The following NOVA2 variants were observed in gnomAD, a reference collection of about 807,000 sequenced individuals.
NOVA2 encodes NOVA alternative splicing regulator 2.
NOVA2 carries 9 observed loss-of-function variants against 22.5 expected under a neutral mutation model. That is an observed-to-expected ratio of 0.40 (90% CI 0.24 to 0.70). The LOEUF is 0.70. Ranked by LOEUF, NOVA2 falls within the 30% of genes least tolerant of loss-of-function variation. NOVA2 has a pLI of 0.38. For missense variants in NOVA2, 383 were observed against 682.8 expected (o/e 0.56, Z 4.89); for synonymous variants, 318 against 335.2 (o/e 0.95, Z 0.56).
Position 45,940,783 on chromosome 19 carries a change from C to T in NOVA2, c.559G>A (p.Glu187Lys), listed in dbSNP as rs778148391. The T allele has an allele frequency of 1.2e-6, 2 of 1,607,716 alleles. No homozygotes were observed. The highest frequency in any genetic ancestry group is 1.1e-5 in the South Asian group (1 of 91,070). The stretch of plus-strand genomic sequence containing the variant: ...GCGCTCACGGCCTTGTGCACCTGCT[C>T]GGGCTCGCCGCTGACCGTCACCACG... ...ERVVTVSGEPEQVHKAVSAIV... is the reference protein window; with the variant it reads ...ERVVTVSGEPKQVHKAVSAIV... The change falls in exon 4 of 4, where the codon GAG becomes AAG. Residue 187 changes from glutamate (E) to lysine (K), a missense_variant. Glu to Lys is a moderately conservative substitution (Grantham distance 56). Around this residue, in one of 2 missense-constraint regions of NOVA2, gnomAD observed 349 missense variants for 578.1 expected, o/e 0.60. Coordinates refer to ENST00000263257, the MANE Select transcript of NOVA2 (RefSeq NM_002516.4).
chr19:45,943,176 C>A (rs1473859032), intron 3 of NOVA2, among the ~76,000 whole-genome samples: 2 of 151,544 alleles, frequency 1.3e-5, no homozygotes, highest in East Asian at 4.0e-4. Flanking sequence ...ACCTCAGCCT[C>A]CCTAGTAGCT....
At chr19:45,941,451 A>G (rs1967757275) in intron 3 of NOVA2, among the ~76,000 whole-genome samples, 1 of 151,928 alleles carries the variant, frequency 6.6e-6, no homozygotes, top group Non-Finnish European at 1.5e-5. Flanking sequence ...TACAGATTTG[A>G]GCCACCAAAC....
At position 45,973,732 on chromosome 19, in the gene NOVA2, G is replaced by C. The variant is rs1338463455; in HGVS notation, c.-381C>G. 1.3e-5 allele frequency among the ~76,000 whole-genome samples: 2 copies of C among 150,890 alleles called. No individual in the cohort carries two copies. The highest frequency in any genetic ancestry group is 3.0e-5 in the Non-Finnish European group (2 of 67,596). ...TGAGCAGGATGGCAGGGCCGAGGGG[G>C]GTCTCCGATAGGGCCGGGAAAGAAC... On this transcript the variant is annotated 5_prime_UTR_variant, in exon 1 of 4. Coordinates refer to ENST00000263257, the MANE Select transcript of NOVA2 (RefSeq NM_002516.4).
rs767527411 is a variant in NOVA2, at chr19:45,940,589, G to C, written c.753C>G (p.Gly251=). 7.0e-7 allele frequency: 1 copy of C among 1,425,014 alleles called. No homozygotes were observed. The highest frequency in any genetic ancestry group is 1.9e-4 in the Middle Eastern group (1 of 5,234). 88.3% of individuals were successfully genotyped at this position (1,425,014 alleles called of 1,614,324 possible). The change falls in exon 4 of 4, where the codon GGC becomes GGG. Residue 251 remains glycine (G), a synonymous_variant. Coordinates refer to ENST00000263257, the MANE Select transcript of NOVA2 (RefSeq NM_002516.4). ...AAAASAAAAS[G]LLGPAGLAGV... is the part of the protein sequence containing the mutation. The stretch of plus-strand genomic sequence containing the variant: ...CAGCCAGCCCGGCGGGGCCCAGCAG[G>C]CCGGAGGCGGCGGCGGCCGACGCTG...
At position 45,936,874 on chromosome 19, in the gene NOVA2, G is replaced by A. The variant is rs1399046970; in HGVS notation, c.*2989C>T. 1 of 151,046 alleles carries A rather than the reference G, an allele frequency of 6.6e-6. No individual in the cohort carries two copies. Among genetic ancestry groups the A allele is most frequent in the Non-Finnish European group, 1.5e-5 (1 of 67,676 alleles). 9.4% of individuals were successfully genotyped at this position (151,046 alleles called of 1,614,324 possible). A position where few individuals can be genotyped will look rare whatever the true frequency, so the allele number is the denominator to read the frequency against. On this transcript the variant is annotated 3_prime_UTR_variant, in exon 4 of 4. Coordinates refer to ENST00000263257, the MANE Select transcript of NOVA2 (RefSeq NM_002516.4). Reference sequence around the variant, plus strand: ...CACTCAGAGACTCTGAGATCGGATTGGCTAATAGGGAGACGGGGAAAAAAA... The same window carrying A: ...CACTCAGAGACTCTGAGATCGGATTAGCTAATAGGGAGACGGGGAAAAAAA...
chr19:45,956,203 C>T (rs1347961601), intron 2 of NOVA2, among the ~76,000 whole-genome samples: 1 of 151,800 alleles, frequency 6.6e-6, no homozygotes, highest in Non-Finnish European at 1.5e-5. Flanking sequence ...CAGTCTGCCT[C>T]CGTCTGGTGT....
chr19:45,958,353 CTG>C (rs572028267), intron 2 of NOVA2, among the ~76,000 whole-genome samples: 317 of 145,662 alleles, frequency 2.2e-3, no homozygotes, highest in East Asian at 0.011. Flanking sequence ...CACCCAAGTG[CTG>C]TGTGTGTGTG....
chr19:45,960,887 G>GC (rs1968086312), intron 2 of NOVA2, 123 bp downstream of exon 2: 1 of 1,009,236 alleles, frequency 9.9e-7, no homozygotes, highest in Admixed American at 2.9e-5. Flanking sequence ...GGAAGGGGAG[G>GC]CCCCCTCCCC....
In NOVA2 at chr19:45,946,437, T is replaced by C. The variant is rs907302424; in HGVS notation, c.397-5492A>G. ...GCTATAAAAGATATTTTAGGGCAAT[T>C]TGAATATGGACTTTCCAATGAGACA... On this transcript the variant is annotated intron_variant, in intron 3 of 3. Coordinates refer to ENST00000263257, the MANE Select transcript of NOVA2 (RefSeq NM_002516.4). Among the ~76,000 whole-genome samples the C allele has an allele frequency of 3.9e-5, 6 of 152,212 alleles. No individual in the cohort carries two copies. The South Asian group carries it at 1.2e-3, about 32-fold the overall frequency.
intron 3 of NOVA2, among the ~76,000 whole-genome samples, chr19:45,946,872 TAAAA>T (rs35836093): frequency 7.5e-6 from 1 of 133,504 alleles, no homozygotes. Context: ...AGACTCCGTC[TAAAA>T]AAAAAAAAAA....
At chr19:45,943,634 C>G (rs991064709) in intron 3 of NOVA2, among the ~76,000 whole-genome samples, 3 of 151,496 alleles carry the variant, frequency 2.0e-5, no homozygotes, top group African/African-American at 7.3e-5. Flanking sequence ...GGGAGGATCA[C>G]TTGAGCCTGG....
Position 45,953,849 on chromosome 19 carries a change from C to T in NOVA2, c.327G>A (p.Ala109=), listed in dbSNP as rs201770497. The change falls in exon 3 of 4, where the codon GCG becomes GCA. Residue 109 remains alanine (A), a synonymous_variant. Transcript: ENST00000263257. ...IAEKVREIPQ[A]MTKPEVVNIL... is the part of the protein sequence containing the mutation. ...TGTTGACCACCTCAGGCTTGGTCAT[C>T]GCTTGTGGGATTTCTCGGACCTTCT... The T allele has an allele frequency of 8.1e-6, 13 of 1,614,182 alleles. No individual in the cohort carries two copies. The highest frequency in any genetic ancestry group is 6.7e-5 in the East Asian group (3 of 44,884).
chr19:45,956,062 C>T (rs1195536981), intron 2 of NOVA2, among the ~76,000 whole-genome samples: 3 of 152,124 alleles, frequency 2.0e-5, no homozygotes, highest in Non-Finnish European at 4.4e-5. Flanking sequence ...TGTGTCTGGG[C>T]GTCACTGTCT....
rs1967682978 is a variant in NOVA2, at chr19:45,938,070, A to T, written c.*1793T>A. 6.6e-6 allele frequency: 1 copy of T among 152,124 alleles called. No homozygotes were observed. The highest frequency in any genetic ancestry group is 1.5e-5 in the Non-Finnish European group (1 of 68,064). The allele number at this position is 152,124 out of a possible 1,614,324, so 9.4% of individuals were successfully genotyped here. ...CTCCCCCAGAGATGCTGATGATGGA[A>T]CCAGGGCACTGGGCGCCCTGCTTTG... On this transcript the variant is annotated 3_prime_UTR_variant, in exon 4 of 4. Transcript: ENST00000263257.
intron 3 of NOVA2, among the ~76,000 whole-genome samples, chr19:45,948,599 CAAAAAAA>C (rs1227808626): frequency 8.3e-5 from 6 of 72,692 alleles, no homozygotes; most frequent in East Asian, 8.6e-4. Flanking sequence ...GACTCTGTCT[CAAAAAAA>C]AAAAAAAAAA....
chr19:45,964,075 G>C (rs925428678), intron 1 of NOVA2, among the ~76,000 whole-genome samples: 6 of 151,998 alleles, frequency 3.9e-5, no homozygotes, highest in Non-Finnish European at 8.8e-5. Flanking sequence ...AAAGGGAGGA[G>C]TTAGGCCATC....
At chr19:45,963,733 T>C (rs992810709) in intron 1 of NOVA2, among the ~76,000 whole-genome samples, 4 of 152,056 alleles carry the variant, frequency 2.6e-5, no homozygotes, top group African/African-American at 9.7e-5. Flanking sequence ...GGTTTCACCA[T>C]TTTGGCCAGG....
intron 1 of NOVA2, among the ~76,000 whole-genome samples, chr19:45,969,341 CA>C (rs139872646): frequency 9.9e-5 from 15 of 151,188 alleles, no homozygotes; most frequent in Non-Finnish European, 1.8e-4. Context: ...CCTGTCTCTA[CA>C]AAAAAATTCA....
At chr19:45,943,363 G>C (rs2146408930) in intron 3 of NOVA2, among the ~76,000 whole-genome samples, 1 of 151,208 alleles carries the variant, frequency 6.6e-6, no homozygotes, top group African/African-American at 2.4e-5. Flanking sequence ...GACACTATAT[G>C]ACTACTTTTG....
Sources: allele counts gnomAD v4.1 joint callset (sites outside exome capture counted in the v4.1 genomes callset), GRCh38; gene constraint gnomAD v4.1.1; regional missense constraint gnomAD v4.1.1; transcripts MANE v1.5; gene names NCBI Gene and HGNC (gene_info 2026-07-23, HGNC 2026-07-21).